The following CDKL4 variants were observed in gnomAD, a reference collection of about 807,000 sequenced individuals.
CDKL4 encodes the protein cyclin dependent kinase like 4.
Under a neutral mutation model 42.0 loss-of-function variants are expected in CDKL4, and 44 were observed. The ratio of observed to expected loss-of-function variants is 1.05; its 90% confidence interval spans 0.82 to 1.35. CDKL4 has a LOEUF of 1.35. CDKL4 is among the 40% of genes most tolerant of loss of function. The pLI is 0.00. For missense variants in CDKL4, 393 were observed against 369.9 expected (o/e 1.06, Z -0.51); for synonymous variants, 120 against 121.6 (o/e 0.99, Z 0.09).
chr2:39,176,850 T>C (rs1031776003), intron 9 of CDKL4, among the ~76,000 whole-genome samples: 3 of 152,236 alleles, frequency 2.0e-5, no homozygotes, highest in Non-Finnish European at 2.9e-5. Context: ...GACTTTTTTC[T>C]GTAACATTTA....
intron 3 of CDKL4, among the ~76,000 whole-genome samples, chr2:39,221,855 C>G (rs770845643): frequency 6.6e-6 from 1 of 152,232 alleles, no homozygotes; most frequent in African/African-American, 2.4e-5. Context: ...CAGAATCTCC[C>G]TCACTTCCCG....
intron 1 of CDKL4, among the ~76,000 whole-genome samples, chr2:39,231,467 G>A (rs897986691): frequency 6.6e-6 from 1 of 152,146 alleles, no homozygotes; most frequent in African/African-American, 2.4e-5. Flanking sequence ...GGAGAAAAAT[G>A]TTTACCTGGA....
exon 8 of CDKL4, chr2:39,184,601 T>C: frequency 6.2e-7 from 1 of 1,611,028 alleles, no homozygotes; most frequent in Non-Finnish European, 8.5e-7. Flanking sequence ...CTTCATGAAG[T>C]TCAGAGCCAC....
the CDKL4 span, among the ~76,000 whole-genome samples, chr2:39,169,939 T>C: frequency 1.3e-5 from 2 of 152,286 alleles, no homozygotes; most frequent in South Asian, 2.1e-4. Flanking sequence ...GGCACAATTA[T>C]GGCTCACTTC....
At chr2:39,217,101 GAT>G (rs1657349859) in intron 3 of CDKL4, among the ~76,000 whole-genome samples, 1 of 152,214 alleles carries the variant, frequency 6.6e-6, no homozygotes, top group African/African-American at 2.4e-5. Context: ...AGTCCAGAAA[GAT>G]AGAGCGCTGC....
chr2:39,246,459 C>A (rs1360788846), upstream of CDKL4, among the ~76,000 whole-genome samples: 1 of 152,240 alleles, frequency 6.6e-6, no homozygotes, highest in East Asian at 1.9e-4. Context: ...TCTCCAGTTT[C>A]TGAAACTGTT....
At chr2:39,209,679 G>A (rs1450094336) in intron 4 of CDKL4, among the ~76,000 whole-genome samples, 1 of 152,148 alleles carries the variant, frequency 6.6e-6, no homozygotes, top group Non-Finnish European at 1.5e-5. Context: ...AACCTGCAGT[G>A]TCCTGTTTAG....
Position 39,190,476 on chromosome 2 carries a change from C to T in CDKL4, c.481G>A (p.Val161Ile), listed in dbSNP as rs763338069. Residue 161 changes from valine to isoleucine, a missense_variant, in exon 6 of 10, where the codon GTA (valine) becomes ATA (isoleucine). Physicochemically the swap from Val to Ile is conservative, Grantham distance 29 (BLOSUM62 3). Transcript: ENST00000451199. ...GGAGCTCGGTACCATCTCGTAGCTA[C>T]ATAATCGGTGTAGGCATCTCCTGGA... 1.6e-5 allele frequency: 26 copies of T among 1,614,104 alleles called. 1 individual carries two copies. In the South Asian group the frequency reaches 2.9e-4, roughly 18 times the overall value.
chr2:39,197,096 G>C (rs1004107665), intron 5 of CDKL4, among the ~76,000 whole-genome samples: 5 of 152,104 alleles, frequency 3.3e-5, no homozygotes, highest in African/African-American at 1.2e-4. Flanking sequence ...GATATGAATG[G>C]AAAAATCTCC....
chr2:39,233,146 C>T (rs567086586), intron 1 of CDKL4, among the ~76,000 whole-genome samples: 40 of 151,144 alleles, frequency 2.6e-4, no homozygotes, highest in African/African-American at 8.5e-4. Flanking sequence ...CTTGGCAGAA[C>T]GCAAAGATAT....
Position 39,185,178 on chromosome 2 carries a change from A to G in CDKL4, c.736-531T>C, listed in dbSNP as rs1294611542. 2.4e-5 allele frequency among the ~76,000 whole-genome samples: 3 copies of G among 126,616 alleles called. 1 individual carries two copies. The highest frequency in any genetic ancestry group is 9.6e-5 in the African/African-American group (3 of 31,182). 83.1% of individuals were successfully genotyped at this position (126,616 alleles called of 152,430 possible). Reference sequence around the variant, plus strand: ...TATATACACATATGTATATATATACATATGTGTATATACATATATATACAC... The same window carrying G: ...TATATACACATATGTATATATATACGTATGTGTATATACATATATATACAC... On this transcript the variant is annotated intron_variant, in intron 7 of 9. Transcript: ENST00000451199.
exon 10 of CDKL4, chr2:39,175,766 T>C: frequency 4.1e-6 from 1 of 244,858 alleles, no homozygotes; most frequent in East Asian, 1.0e-4. Flanking sequence ...AAAATGTCTC[T>C]TCCATATGTG....
chr2:39,205,759 C>CAAAAAAAAAAAAAAAA (rs1167041058), intron 4 of CDKL4, among the ~76,000 whole-genome samples: 1 of 78,688 alleles, frequency 1.3e-5, no homozygotes, highest in African/African-American at 4.7e-5. Flanking sequence ...GACTCCGTCT[C>CAAAAAAAAAAAAAAAA]AAAAAAAAAA....
At chr2:39,188,526 C>T (rs1368304203) in intron 6 of CDKL4, among the ~76,000 whole-genome samples, 1 of 120,956 alleles carries the variant, frequency 8.3e-6, no homozygotes. Context: ...CACACCACTG[C>T]ACTCCAGCCT....
At chr2:39,202,915 C>T (rs1214253769) in intron 5 of CDKL4, among the ~76,000 whole-genome samples, 1 of 152,214 alleles carries the variant, frequency 6.6e-6, no homozygotes, top group East Asian at 1.9e-4. Flanking sequence ...AGTGCCTGAG[C>T]TCATGTCTTG....
chr2:39,224,066 CT>C (rs1214315438), intron 3 of CDKL4, among the ~76,000 whole-genome samples: 1 of 152,096 alleles, frequency 6.6e-6, no homozygotes, highest in Non-Finnish European at 1.5e-5. Context: ...GGATGTTAAC[CT>C]TTTAAAAAAT....
chr2:39,223,725 A>G (rs1678521834), intron 3 of CDKL4, among the ~76,000 whole-genome samples: 1 of 151,258 alleles, frequency 6.6e-6, no homozygotes, highest in Non-Finnish European at 1.5e-5. Flanking sequence ...TGATCCTCCT[A>G]CCTCAGCCTC....
intron 9 of CDKL4, among the ~76,000 whole-genome samples, chr2:39,177,508 G>A (rs1264242853): frequency 1.9e-4 from 28 of 150,760 alleles, no homozygotes; most frequent in Admixed American, 1.7e-3. Context: ...GGGTTTAAGC[G>A]ATTCTCCTGC....
At chr2:39,180,794 G>A (rs867810521) in intron 8 of CDKL4, among the ~76,000 whole-genome samples, 4 of 151,094 alleles carry the variant, frequency 2.6e-5, no homozygotes, top group Non-Finnish European at 4.4e-5. Flanking sequence ...AGGTTTGAGC[G>A]ATTCTCATGC....
Sources: allele counts gnomAD v4.1 joint callset (sites outside exome capture counted in the v4.1 genomes callset), GRCh38; gene constraint gnomAD v4.1.1; transcripts MANE v1.5; gene names NCBI Gene and HGNC (gene_info 2026-07-23, HGNC 2026-07-21).